Variants in NBEA observed in about 807,000 individuals in gnomAD.
The protein encoded by NBEA is lysosomal-trafficking regulator 2.
In NBEA, 44 loss-of-function variants were observed where a neutral mutation model predicts 343.4. The ratio of observed to expected loss-of-function variants is 0.13; its 90% CI spans 0.10 to 0.16. The LOEUF is 0.16. Among genes scored for constraint, NBEA ranks in the 10% least tolerant of loss-of-function variants. The pLI is 1.00. For missense variants in NBEA, 2,555 were observed against 3,631.3 expected, an observed-to-expected ratio of 0.70 and a Z score of 7.62; for synonymous variants, 1,175 against 1,238.7, an observed-to-expected ratio of 0.95 and a Z score of 1.08.
chr13:35,075,822 A>G (rs2064088978), intron 10 of NBEA, among the ~76,000 whole-genome samples: 1 of 152,068 alleles, frequency 6.6e-6, no homozygotes, highest in Non-Finnish European at 1.5e-5. Flanking sequence ...CAACAGAATT[A>G]CCTGGAAAAT....
intron 1 of NBEA, among the ~76,000 whole-genome samples, chr13:34,993,951 A>G (rs1448917909): frequency 1.3e-5 from 2 of 152,096 alleles, no homozygotes; most frequent in Non-Finnish European, 2.9e-5. Flanking sequence ...TAATCCCAGC[A>G]CTTTGGGAGG....
intron 38 of NBEA, among the ~76,000 whole-genome samples, chr13:35,381,525 C>T (rs575312557): frequency 6.6e-6 from 1 of 152,172 alleles, no homozygotes; most frequent in East Asian, 1.9e-4. Flanking sequence ...TCCCGAGTAG[C>T]ATGGGATGAA....
At chr13:35,613,606 G>GT (rs869190771) in intron 48 of NBEA, among the ~76,000 whole-genome samples, 1 of 142,388 alleles carries the variant, frequency 7.0e-6, no homozygotes, top group Non-Finnish European at 1.5e-5. Context: ...ATTTTTAGTT[G>GT]TTTTTGTTTG....
chr13:35,571,461 C>T (rs1010379440), intron 45 of NBEA, among the ~76,000 whole-genome samples: 1 of 151,674 alleles, frequency 6.6e-6, no homozygotes, highest in East Asian at 1.9e-4. Flanking sequence ...AAGATGTTTT[C>T]TAAATTCTCT....
intron 10 of NBEA, among the ~76,000 whole-genome samples, chr13:35,077,801 C>T (rs1318132068): frequency 1.3e-5 from 2 of 152,142 alleles, no homozygotes; most frequent in African/African-American, 4.8e-5. Context: ...TACTTATCTT[C>T]TCTAGTCACA....
rs537445060 is a variant in NBEA, at chr13:34,943,898, A to G, written c.294+784A>G. ...CTAGGTTTTGGTTCCTTTCATGGTA[A>G]GAAAGAGTTACTGCAGAAGTGTGTA... On this transcript the variant is annotated intron_variant, in intron 1 of 58. Coordinates refer to ENST00000379939, the MANE Select transcript of NBEA (RefSeq NM_001385012.1). Among the ~76,000 whole-genome samples the G allele has an allele frequency of 5.3e-5, 8 of 152,312 alleles. No homozygotes were observed. The East Asian group carries it at 1.5e-3, about 29-fold the overall frequency.
chr13:35,410,829 C>T (rs563047326), intron 38 of NBEA, among the ~76,000 whole-genome samples: 1 of 152,246 alleles, frequency 6.6e-6, no homozygotes, highest in Admixed American at 6.5e-5. Flanking sequence ...CATAGAAACT[C>T]TGAAAATTGC....
intron 10 of NBEA, among the ~76,000 whole-genome samples, chr13:35,097,190 C>G (rs1487519899): frequency 6.6e-6 from 1 of 151,702 alleles, no homozygotes; most frequent in African/African-American, 2.4e-5. Flanking sequence ...TGTATTATCC[C>G]TATTGAAACT....
At chr13:35,516,440 T>G (rs2077490747) in intron 41 of NBEA, among the ~76,000 whole-genome samples, 1 of 152,194 alleles carries the variant, frequency 6.6e-6, no homozygotes, top group South Asian at 2.1e-4. Context: ...TAATGTTTTA[T>G]CCTTGTCATT....
chr13:35,446,586 G>A lies in NBEA; in HGVS notation c.6305-5506G>A, dbSNP rs148863176. Among the ~76,000 whole-genome samples the A allele has an allele frequency of 3.7e-3, 556 of 152,148 alleles. 5 individuals carry two copies. Among genetic ancestry groups the A allele is most frequent in the African/African-American group, 0.012 (512 of 41,528 alleles). On this transcript the variant is annotated intron_variant, in intron 39 of 58. Coordinates refer to ENST00000379939, the MANE Select transcript of NBEA (RefSeq NM_001385012.1). ...TTATGTAAAAGAAATTACATAGGTC[G>A]GACTTAAAGATTTGAGACAATGTGG...
At chr13:35,434,820 A>G (rs1226353590) in intron 39 of NBEA, among the ~76,000 whole-genome samples, 2 of 152,168 alleles carry the variant, frequency 1.3e-5, no homozygotes, top group African/African-American at 4.8e-5. Flanking sequence ...TCTAACCTAT[A>G]TAGAAAATAT....
At chr13:35,356,259 A>C (rs1445665441) in intron 38 of NBEA, among the ~76,000 whole-genome samples, 1 of 152,126 alleles carries the variant, frequency 6.6e-6, no homozygotes, top group Non-Finnish European at 1.5e-5. Context: ...AGCCAGCAAC[A>C]CTCTAAAACA....
In NBEA at chr13:35,240,091, C is replaced by T. The variant is rs546948739; in HGVS notation, c.5776+7472C>T. Reference sequence around the variant, plus strand: ...CTTTTGCACCAACCAATAATAACTGCAATGCATTGAAACACCTGGATATGT... The same window carrying T: ...CTTTTGCACCAACCAATAATAACTGTAATGCATTGAAACACCTGGATATGT... On this transcript the variant is annotated intron_variant, in intron 34 of 58. Transcript: ENST00000379939. Among the ~76,000 whole-genome samples, 3 of 151,250 alleles carry T rather than the reference C, an allele frequency of 2.0e-5. No individual in the cohort carries two copies. The South Asian group carries it at 6.3e-4, about 32-fold the overall frequency.
intron 38 of NBEA, among the ~76,000 whole-genome samples, chr13:35,428,753 C>G (rs1378648222): frequency 2.0e-5 from 3 of 152,034 alleles, no homozygotes; most frequent in African/African-American, 2.4e-5. Flanking sequence ...TGGATATTTT[C>G]CAGGTTCTTG....
chr13:34,957,826 C>T (rs938701881), intron 1 of NBEA, among the ~76,000 whole-genome samples: 4 of 152,060 alleles, frequency 2.6e-5, no homozygotes, highest in African/African-American at 7.2e-5. Context: ...ATAACTTACG[C>T]AAGACTTATC....
chr13:35,021,474 G>T (rs543432630), intron 1 of NBEA, among the ~76,000 whole-genome samples: 24 of 152,058 alleles, frequency 1.6e-4, no homozygotes, highest in Non-Finnish European at 2.9e-4. Context: ...TATTAATATT[G>T]CCACAATTCT....
chr13:35,405,046 A>G (rs542275206), intron 38 of NBEA, among the ~76,000 whole-genome samples: 92 of 152,316 alleles, frequency 6.0e-4, no homozygotes, highest in African/African-American at 2.1e-3. Flanking sequence ...CCTGAGAAGC[A>G]GCATAGGAAA....
chr13:35,164,610 A>G, intron 24 of NBEA, 101 bp downstream of exon 24: 1 of 1,243,404 alleles, frequency 8.0e-7, no homozygotes, highest in Non-Finnish European at 1.1e-6. Context: ...CCAGACCTGT[A>G]CTTTTTAGGC....
chr13:35,450,064 C>G (rs1319772289), intron 39 of NBEA, among the ~76,000 whole-genome samples: 2 of 152,068 alleles, frequency 1.3e-5, no homozygotes, highest in Non-Finnish European at 2.9e-5. Context: ...CATATTTTAG[C>G]AAACAGAATT....
Sources: allele counts gnomAD v4.1 joint callset (sites outside exome capture counted in the v4.1 genomes callset), GRCh38; gene constraint gnomAD v4.1.1; transcripts MANE v1.5; gene names NCBI Gene and HGNC (gene_info 2026-07-23, HGNC 2026-07-21).